KPNA7: variants seen among roughly 807,000 people sequenced by gnomAD.
The protein encoded by KPNA7 is karyopherin subunit alpha 7.
In KPNA7, 54 loss-of-function variants were observed where a neutral mutation model predicts 53.7. The observed-to-expected ratio is 1.01, with a 90% CI of 0.81 to 1.26. The LOEUF (loss-of-function observed/expected upper bound fraction) is 1.26, where lower values mean the gene tolerates loss of function less well. Among genes scored for constraint, KPNA7 ranks in the 50% most tolerant of loss-of-function variants. The pLI is 0.00. For missense variants in KPNA7, 640 were observed against 644.5 expected, an observed-to-expected ratio of 0.99 and a Z score of 0.07; for synonymous variants, 276 against 259.3, an observed-to-expected ratio of 1.06 and a Z score of -0.62.
intron 3 of KPNA7, among the ~76,000 whole-genome samples, chr7:99,202,013 T>C (rs1790563989): frequency 6.6e-6 from 1 of 152,070 alleles, no homozygotes; most frequent in South Asian, 2.1e-4. Flanking sequence ...TGGCCTTTTT[T>C]CCCTTTTGTT....
chr7:99,214,543 G>A (rs1195955321), intron 1 of KPNA7, among the ~76,000 whole-genome samples: 4 of 146,264 alleles, frequency 2.7e-5, no homozygotes, highest in East Asian at 2.0e-4. Context: ...AGGGAGAATC[G>A]CTTGAGCCCA....
chr7:99,174,108 A>C (rs1420075898), intron 10 of KPNA7, among the ~76,000 whole-genome samples: 1 of 151,522 alleles, frequency 6.6e-6, no homozygotes, highest in African/African-American at 2.4e-5. Context: ...CTTCATCTGT[A>C]TTTACAGCCA....
At chr7:99,157,004 CT>C in the KPNA7 span, among the ~76,000 whole-genome samples, 1 of 148,272 alleles carries the variant, frequency 6.7e-6, no homozygotes, top group South Asian at 2.2e-4. Context: ...AAAGATTTAT[CT>C]TCAAACCTTT....
intron 7 of KPNA7, among the ~76,000 whole-genome samples, chr7:99,187,817 A>T (rs1563075182): frequency 9.7e-5 from 10 of 102,830 alleles, no homozygotes; most frequent in South Asian, 6.9e-4. Context: ...AAAAAAAAAA[A>T]AAAAAAAAAA....
In KPNA7 at chr7:99,203,191, T is replaced by C. The variant is rs1402671191; in HGVS notation, c.116A>G (p.Lys39Arg). The change falls in exon 3 of 11, where the codon AAG becomes AGG. Residue 39 changes from lysine (K) to arginine (R), a missense_variant. Coordinates refer to ENST00000327442, the MANE Select transcript of KPNA7 (RefSeq NM_001145715.3). ...MAVSLELRKA[K>R]KDEQTLKRRN... Reference sequence around the variant, plus strand: ...TCTCTTTAAGGTCTGTTCATCTTTCTTGGCCTTTCGGAGCTCCAGACTGAC... The same window carrying C: ...TCTCTTTAAGGTCTGTTCATCTTTCCTGGCCTTTCGGAGCTCCAGACTGAC... The C allele has an allele frequency of 6.4e-7, 1 of 1,551,742 alleles. No individual in the cohort carries two copies. The highest frequency in any genetic ancestry group is 1.2e-5 in the South Asian group (1 of 84,048).
intron 3 of KPNA7, among the ~76,000 whole-genome samples, chr7:99,201,799 C>T (rs1367508053): frequency 6.6e-6 from 1 of 151,940 alleles, no homozygotes; most frequent in Non-Finnish European, 1.5e-5. Flanking sequence ...ACCTCTGCCT[C>T]CCAGGTTCAA....
At chr7:99,181,721 G>A (rs898986007) in intron 9 of KPNA7, among the ~76,000 whole-genome samples, 162 bp downstream of exon 9, 1 of 152,090 alleles carries the variant, frequency 6.6e-6, no homozygotes, top group Non-Finnish European at 1.5e-5. Context: ...CTAATTTGAC[G>A]GGGTTTCACT....
At chr7:99,184,109 A>C (rs1271051971) in intron 8 of KPNA7, among the ~76,000 whole-genome samples, 1 of 151,054 alleles carries the variant, frequency 6.6e-6, no homozygotes, top group African/African-American at 2.4e-5. Context: ...TTGGCCTCCC[A>C]AAGTGCTGGG....
the KPNA7 span, among the ~76,000 whole-genome samples, chr7:99,150,258 G>A: frequency 1.3e-5 from 2 of 151,684 alleles, no homozygotes; most frequent in African/African-American, 2.4e-5. Context: ...ACCAAACCTG[G>A]CTAATTTTTA....
At chr7:99,173,869 C>A in intron 10 of KPNA7, 75 bp from the exon 11 acceptor site, 1 of 867,274 alleles carries the variant, frequency 1.2e-6, no homozygotes, top group Non-Finnish European at 1.8e-6. Flanking sequence ...GCAAGATGCA[C>A]CTTGTAACAA....
At position 99,181,982 on chromosome 7, in the gene KPNA7, G is replaced by A. The variant is rs987074674; in HGVS notation, c.1218C>T (p.Leu406=). The change falls in exon 9 of 11, where the codon CTC becomes CTT. Residue 406 remains leucine (L), a synonymous_variant. Coordinates refer to ENST00000327442, the MANE Select transcript of KPNA7 (RefSeq NM_001145715.3). ...GTGGCTCCAGGACCCCAGAGTGGAC[G>A]AGCTGGATCAGCTGATCCATGGTGG... ...TGATMDQLIQ[L]VHSGVLEPLV... The A allele has an allele frequency of 7.3e-5, 114 of 1,551,048 alleles. No homozygotes were observed. Among genetic ancestry groups the A allele is most frequent in the South Asian group, 9.5e-5 (8 of 84,038 alleles).
At chr7:99,209,680 CTCA>C (rs1790996616), upstream of KPNA7, among the ~76,000 whole-genome samples, 1 of 36,214 alleles carries the variant, frequency 2.8e-5, no homozygotes, top group African/African-American at 9.5e-5. Context: ...GAGACTCCAA[CTCA>C]AAAAAAAAAA....
chr7:99,180,649 G>GTC (rs1022141343), intron 9 of KPNA7, among the ~76,000 whole-genome samples: 21 of 123,012 alleles, frequency 1.7e-4, no homozygotes, highest in Non-Finnish European at 1.4e-4. Flanking sequence ...CTCCGTCTCT[G>GTC]TCTCTCTCTC....
chr7:99,193,646 C>T (rs900301938), intron 5 of KPNA7, among the ~76,000 whole-genome samples: 2 of 151,898 alleles, frequency 1.3e-5, no homozygotes, highest in Non-Finnish European at 2.9e-5. Context: ...CTCTAATAGG[C>T]ACTTTTTCCT....
At chr7:99,155,263 C>A in the KPNA7 span, among the ~76,000 whole-genome samples, 1 of 152,124 alleles carries the variant, frequency 6.6e-6, no homozygotes, top group East Asian at 1.9e-4. Flanking sequence ...TGATCCCCTC[C>A]ATGTTAGACA....
At position 99,207,440 on chromosome 7, in the gene KPNA7, C is replaced by G; in HGVS notation, c.27G>C (p.Glu9Asp). Residue 9 changes from glutamate (E) to aspartate (D), a missense_variant, in exon 2 of 11, where the codon GAG becomes GAC. Glu to Asp is a conservative substitution (Grantham distance 45, BLOSUM62 2). Transcript: ENST00000327442. Reference protein sequence around the residue: MPTLDAPEERRRKFKYRGK... With the variant: MPTLDAPEDRRRKFKYRGK... ...CTCGGTACTTAAATTTTCTCCGCCT[C>G]TCTTCTGGAGCATCTAAGGTCGGCA... The G allele has an allele frequency of 6.4e-7, 1 of 1,551,396 alleles. No individual in the cohort carries two copies. The highest frequency in any genetic ancestry group is 8.7e-7 in the Non-Finnish European group (1 of 1,146,922).
chr7:99,174,803 T>G (rs1798840651), intron 10 of KPNA7, among the ~76,000 whole-genome samples: 1 of 148,530 alleles, frequency 6.7e-6, no homozygotes, highest in Non-Finnish European at 1.5e-5. Flanking sequence ...TTAAAAGAGG[T>G]CTCTTATTTA....
chr7:99,157,251 C>G, the KPNA7 span, among the ~76,000 whole-genome samples: 33 of 152,206 alleles, frequency 2.2e-4, no homozygotes, highest in African/African-American at 7.2e-4. Context: ...CTCTTGTTGC[C>G]CAGGCTGGAG....
At chr7:99,165,411 C>T in the KPNA7 span, among the ~76,000 whole-genome samples, 1 of 152,106 alleles carries the variant, frequency 6.6e-6, no homozygotes, top group Non-Finnish European at 1.5e-5. Context: ...CAGTTGCCCC[C>T]ATCTCCATAT....
Sources: gnomAD v4.1 joint callset for allele counts (sites outside exome capture counted in the v4.1 genomes callset) on GRCh38, gnomAD v4.1.1 for gene constraint, MANE v1.5 for transcripts, NCBI Gene and HGNC (gene_info 2026-07-23, HGNC 2026-07-21) for gene names.